C6orf136: variants seen among roughly 807,000 people sequenced by gnomAD.
The protein encoded by C6orf136 is chromosome 6 open reading frame 136, also known as uncharacterized protein C6orf136.
A neutral mutation model predicts 44.0 loss-of-function variants in C6orf136; 29 were observed. That is an observed-to-expected ratio of 0.66 (90% CI 0.49 to 0.90). The LOEUF (loss-of-function observed/expected upper bound fraction) is 0.90. C6orf136 is among the 40% of genes least tolerant of loss of function. The pLI, the probability that C6orf136 is intolerant of heterozygous loss-of-function variation, is 0.00. For synonymous variants in C6orf136, 293 were observed against 278.6 expected, an observed-to-expected ratio of 1.05 and a Z score of -0.52; for missense variants, 628 against 669.3, an observed-to-expected ratio of 0.94 and a Z score of 0.68.
At chr6:30,650,878 C>T (rs1767342785) in intron 2 of C6orf136, 116 bp from the exon 3 acceptor site, 2 of 728,902 alleles carry the variant, frequency 2.7e-6, no homozygotes, top group Non-Finnish European at 4.6e-6. Flanking sequence ...TACCTCTGTA[C>T]TCCAGCCTGG....
At chr6:30,650,020 G>T in intron 2 of C6orf136, 61 bp downstream of exon 2, 1 of 1,429,858 alleles carries the variant, frequency 7.0e-7, no homozygotes, top group Non-Finnish European at 9.6e-7. Flanking sequence ...ATCCTTGGAC[G>T]TACAGGGATA....
In C6orf136 at chr6:30,647,850, C is replaced by A; in HGVS notation, c.615+4C>A. 1 of 1,474,572 alleles carries A rather than the reference C, an allele frequency of 6.8e-7. No homozygotes were observed. Among genetic ancestry groups the A allele is most frequent in the South Asian group, 1.3e-5 (1 of 75,686 alleles). The allele number at this position is 1,474,572 out of a possible 1,614,324, so 91.3% of individuals were successfully genotyped here. On this transcript the variant is annotated splice_donor_region_variant and intron_variant, in intron 1 of 5. Coordinates refer to ENST00000651131, the MANE Select transcript of C6orf136 (RefSeq NM_001161376.2). This position sits in a 1 kb window ranked among gnomAD's most constrained non-coding sequence, Gnocchi z 4.8. The stretch of plus-strand genomic sequence containing the variant: ...TAGGACACCATCGGGGACCGAGGTA[C>A]CCGAGCGGTCCGCCCGCCTTCCCTG...
intron 1 of C6orf136, among the ~76,000 whole-genome samples, chr6:30,648,680 G>A (rs1380080320): frequency 4.8e-5 from 7 of 144,918 alleles, no homozygotes; most frequent in Non-Finnish European, 1.1e-4. Flanking sequence ...GATTACAGGC[G>A]TGAGCCACCG....
chr6:30,652,558 A>C, intron 4 of C6orf136, 90 bp from the exon 5 acceptor site: 1 of 1,188,900 alleles, frequency 8.4e-7, no homozygotes, highest in Non-Finnish European at 1.3e-6. Flanking sequence ...TATGTAGCAG[A>C]ATTTAGGGAC....
In C6orf136 at chr6:30,647,590, G is replaced by T; in HGVS notation, c.359G>T (p.Arg120Leu). The part of the protein sequence containing the change: ...GRVCVAPDSP[R>L]LPVPRGDLKG... The stretch of plus-strand genomic sequence containing the variant: ...GTCTGCGTTGCGCCCGACTCTCCGC[G>T]GTTACCTGTGCCTAGAGGTGATTTG... The change falls in exon 1 of 6, where the codon CGG becomes CTG. Residue 120 changes from arginine to leucine, a missense_variant. This residue lies in a region of C6orf136 where 497 missense variants were observed against 469.2 expected (regional missense o/e 1.06). Coordinates refer to ENST00000651131, the MANE Select transcript of C6orf136 (RefSeq NM_001161376.2). This position sits in a 1 kb window ranked among gnomAD's most constrained non-coding sequence, Gnocchi z 4.8. The T allele has an allele frequency of 3.9e-6, 6 of 1,543,330 alleles. No individual in the cohort carries two copies. Among genetic ancestry groups the T allele is most frequent in the Non-Finnish European group, 5.3e-6 (6 of 1,141,564 alleles).
intron 5 of C6orf136, 29 bp from the exon 6 acceptor site, chr6:30,652,773 C>G (rs555269458): frequency 6.2e-7 from 1 of 1,612,170 alleles, no homozygotes; most frequent in Admixed American, 1.7e-5. Context: ...TGTGCCTCCC[C>G]CAACTGGCAT....
rs773937348 is a variant in C6orf136, at chr6:30,652,707, G to A, written c.1367G>A (p.Arg456His). ...TCCAGTGGCCTCATTTGTCGCCATCGTCTAGATAAAGTGAGTCCTAGGTAG... is the reference window on the plus strand; with the variant it reads ...TCCAGTGGCCTCATTTGTCGCCATCATCTAGATAAAGTGAGTCCTAGGTAG... ...LNSSGLICRH[R>H]LDKLMPSHSP... Residue 456 changes from arginine to histidine, a missense_variant, in exon 5 of 6, where the codon CGT becomes CAT. Physicochemically the swap from Arg to His is conservative, Grantham distance 29. Coordinates refer to ENST00000651131, the MANE Select transcript of C6orf136 (RefSeq NM_001161376.2). The A allele has an allele frequency of 5.1e-5, 82 of 1,612,898 alleles. 1 individual carries two copies. Among genetic ancestry groups the A allele is most frequent in the Admixed American group, 5.0e-4 (30 of 59,978 alleles).
Position 30,649,625 on chromosome 6 carries a change from C to T in C6orf136, c.683C>T (p.Pro228Leu), listed in dbSNP as rs1767215294. The change falls in exon 2 of 6, where the codon CCA (proline) becomes CTA (leucine). Residue 228 changes from proline (P) to leucine (L), a missense_variant. Physicochemically the swap from Pro to Leu is moderately conservative, Grantham distance 98. Around this residue, in one of 2 missense-constraint regions of C6orf136, gnomAD observed 497 missense variants for 469.2 expected, o/e 1.06. Coordinates refer to ENST00000651131, the MANE Select transcript of C6orf136 (RefSeq NM_001161376.2). ...LWPHSTTTTS[P>L]SSPLFWSPLP... is the part of the protein sequence containing the mutation. ...CCCCACTCCACGACAACCACTTCCC[C>T]ATCTTCTCCTCTATTCTGGTCTCCC... The T allele has an allele frequency of 1.3e-6, 2 of 1,595,964 alleles. No homozygotes were observed. The highest frequency in any genetic ancestry group is 2.2e-5 in the East Asian group (1 of 44,798).
Position 30,647,967 on chromosome 6 carries a change from G to A in C6orf136, c.615+121G>A. 6 of 1,370,064 alleles carry A rather than the reference G, an allele frequency of 4.4e-6. No homozygotes were observed. Among genetic ancestry groups the A allele is most frequent in the Non-Finnish European group, 5.7e-6 (6 of 1,048,938 alleles). 84.9% of individuals were successfully genotyped at this position (1,370,064 alleles called of 1,614,324 possible). A position where few individuals can be genotyped will look rare whatever the true frequency, so the allele number is the denominator to read the frequency against. ...GACCTCCCCTTGCAGTTTCAACGTC[G>A]GTAAACCCAGGAGAGTGAAGGCCAG... On this transcript the variant is annotated intron_variant, in intron 1 of 5. Coordinates refer to ENST00000651131, the MANE Select transcript of C6orf136 (RefSeq NM_001161376.2). This position sits in a 1 kb window ranked among gnomAD's most constrained non-coding sequence, Gnocchi z 4.8.
At chr6:30,649,286 C>T (rs1245330581) in intron 1 of C6orf136, among the ~76,000 whole-genome samples, 1 of 152,200 alleles carries the variant, frequency 6.6e-6, no homozygotes, top group Non-Finnish European at 1.5e-5. Flanking sequence ...TCACTTGAAC[C>T]CGGGAGGCGG....
At chr6:30,648,371 G>A (rs1279728933) in intron 1 of C6orf136, among the ~76,000 whole-genome samples, 1 of 151,528 alleles carries the variant, frequency 6.6e-6, no homozygotes, top group East Asian at 2.0e-4. Context: ...TGCGATAAGA[G>A]AGGTGAAACT....
At position 30,649,962 on chromosome 6, in the gene C6orf136, AAGTC is replaced by A; in HGVS notation, c.1017+7_1017+10del. On this transcript the variant is annotated splice_donor_5th_base_variant and intron_variant, in intron 2 of 5. Transcript: ENST00000651131. ...TGTATGAGAGACTGAGACAAGAGGTAAGTCAGTGCAAAAGTGGCCTTCGTCTACA... is the reference window on the plus strand; with the variant it reads ...TGTATGAGAGACTGAGACAAGAGGTAAGTGCAAAAGTGGCCTTCGTCTACA... 2 of 1,611,784 alleles carry A rather than the reference AAGTC, an allele frequency of 1.2e-6. No individual in the cohort carries two copies. The highest frequency in any genetic ancestry group is 1.7e-6 in the Non-Finnish European group (2 of 1,179,704).
chr6:30,652,737 G>A lies in C6orf136; in HGVS notation c.1377+20G>A. 6.2e-7 allele frequency: 1 copy of A among 1,612,778 alleles called. No homozygotes were observed. The highest frequency in any genetic ancestry group is 8.5e-7 in the Non-Finnish European group (1 of 1,179,792). On this transcript the variant is annotated intron_variant, in intron 5 of 5. Coordinates refer to ENST00000651131, the MANE Select transcript of C6orf136 (RefSeq NM_001161376.2). ...GATAAAGTGAGTCCTAGGTAGGGCT[G>A]GGTGGGGTAAAGGGTAGAACATTTG...
chr6:30,648,037 G>A (rs1236919181), intron 1 of C6orf136, among the ~76,000 whole-genome samples, 191 bp downstream of exon 1: 1 of 152,200 alleles, frequency 6.6e-6, no homozygotes, highest in African/African-American at 2.4e-5. Context: ...AGAGGGGCCC[G>A]AAATGATAAT....
chr6:30,651,023 C>T lies in C6orf136; in HGVS notation c.1047C>T (p.Asp349=). The T allele has an allele frequency of 6.2e-7, 1 of 1,614,018 alleles. No individual in the cohort carries two copies. The highest frequency in any genetic ancestry group is 1.3e-5 in the African/African-American group (1 of 75,044). Residue 349 remains aspartate, a synonymous_variant, in exon 3 of 6, where the codon GAC becomes GAT. Coordinates refer to ENST00000651131, the MANE Select transcript of C6orf136 (RefSeq NM_001161376.2). ...CCAAGCTCTTCCTTCAGTCCCACGA[C>T]TACAGTCTGTATTCCTTGGATGTGG... The part of the protein sequence containing the change: ...ELPKLFLQSH[D]YSLYSLDVEF...
Position 30,649,622 on chromosome 6 carries a change from C to T in C6orf136, c.680C>T (p.Ser227Phe). ...TGGCCCCACTCCACGACAACCACTT[C>T]CCCATCTTCTCCTCTATTCTGGTCT... ...PLWPHSTTTT[S>F]PSSPLFWSPL... The change falls in exon 2 of 6, where the codon TCC (serine) becomes TTC (phenylalanine). Residue 227 changes from serine to phenylalanine, a missense_variant. Ser to Phe is a radical substitution (Grantham distance 155). Around this residue, in one of 2 missense-constraint regions of C6orf136, gnomAD observed 497 missense variants for 469.2 expected, o/e 1.06. Transcript: ENST00000651131. 1 of 1,596,036 alleles carries T rather than the reference C, an allele frequency of 6.3e-7. No homozygotes were observed. Among genetic ancestry groups the T allele is most frequent in the Non-Finnish European group, 8.5e-7 (1 of 1,175,218 alleles).
Position 30,653,093 on chromosome 6 carries a change from G to T in C6orf136, c.*178G>T. On this transcript the variant is annotated 3_prime_UTR_variant, in exon 6 of 6. Coordinates refer to ENST00000651131, the MANE Select transcript of C6orf136 (RefSeq NM_001161376.2). ...AACTTGTAAATAATAAAGTTTAACT[G>T]ACTATATGAGATAGAATTTCACATA... 2.7e-6 allele frequency: 3 copies of T among 1,107,348 alleles called. No individual in the cohort carries two copies. Among genetic ancestry groups the T allele is most frequent in the Non-Finnish European group, 3.8e-6 (3 of 784,070 alleles). The allele number at this position is 1,107,348 out of a possible 1,614,324, so 68.6% of individuals were successfully genotyped here.
intron 4 of C6orf136, 106 bp downstream of exon 4, chr6:30,651,572 T>G: frequency 8.8e-7 from 1 of 1,139,970 alleles, no homozygotes; most frequent in Non-Finnish European, 1.3e-6. Context: ...AGTGGCGTGA[T>G]CTCAGCTCAC....
intron 1 of C6orf136, 134 bp from the exon 2 acceptor site, chr6:30,649,424 C>T (rs1767192743): frequency 1.4e-6 from 1 of 730,982 alleles, no homozygotes; most frequent in Non-Finnish European, 2.2e-6. Flanking sequence ...ATGAATCCAT[C>T]CCTTTTTTCC....
Sources: allele counts gnomAD v4.1 joint callset (sites outside exome capture counted in the v4.1 genomes callset), GRCh38; gene constraint gnomAD v4.1.1; regional missense constraint gnomAD v4.1.1; non-coding constraint Gnocchi (gnomAD v3.1); transcripts MANE v1.5; gene names NCBI Gene and HGNC (gene_info 2026-07-23, HGNC 2026-07-21).